The following ACSBG1 variants were observed in gnomAD, a reference collection of about 807,000 sequenced individuals.
ACSBG1 encodes acyl-CoA synthetase bubblegum family member 1, also known as long-chain-fatty-acid--CoA ligase ACSBG1.
ACSBG1 carries 39 observed loss-of-function variants against 80.2 expected under a neutral mutation model. The observed-to-expected ratio is 0.49, with a 90% CI of 0.38 to 0.64. The LOEUF is 0.64. Among genes scored for constraint, ACSBG1 ranks in the 30% least tolerant of loss-of-function variants. ACSBG1 has a pLI of 0.00. For synonymous variants in ACSBG1, 392 were observed against 379.5 expected (o/e 1.03, Z -0.38); for missense variants, 828 against 966.4 (o/e 0.86, Z 1.90).
intron 12 of ACSBG1, 38 bp from the exon 13 acceptor site, chr15:78,173,877 C>T (rs554178061): frequency 6.3e-7 from 1 of 1,599,190 alleles, no homozygotes; most frequent in Non-Finnish European, 8.5e-7. Flanking sequence ...CAAGCCTTAC[C>T]CAACAAGACG....
chr15:78,174,353 G>A, intron 12 of ACSBG1, 32 bp downstream of exon 12: 1 of 1,613,956 alleles, frequency 6.2e-7, no homozygotes. Flanking sequence ...CTCACTGGCT[G>A]CTCCTTCTGA....
chr15:78,226,984 C>G (rs1175675867), intron 1 of ACSBG1, among the ~76,000 whole-genome samples: 3 of 150,396 alleles, frequency 2.0e-5, no homozygotes, highest in African/African-American at 7.3e-5. Flanking sequence ...CTCTGGGAGG[C>G]CGAGGAGGGC....
At chr15:78,207,923 A>ACCCCCCCCCCCCCCCCCCCCCCCCC in intron 2 of ACSBG1, 79 bp downstream of exon 2, 1 of 284,792 alleles carries the variant, frequency 3.5e-6, no homozygotes, top group Non-Finnish European at 7.2e-6. Context: ...GTGGTCCCCC[A>ACCCCCCCCCCCCCCCCCCCCCCCCC]CACCACCCAC....
intron 2 of ACSBG1, among the ~76,000 whole-genome samples, chr15:78,204,633 G>A (rs2075197467): frequency 6.6e-6 from 1 of 152,210 alleles, no homozygotes; most frequent in South Asian, 2.1e-4. Context: ...CCATATCATG[G>A]AGAAGGAATC....
Position 78,194,664 on chromosome 15 carries a change from G to A in ACSBG1, c.295C>T (p.Pro99Ser). Residue 99 changes from proline (P) to serine (S), a missense_variant, in exon 3 of 14, where the codon CCA (proline) becomes TCA (serine). Pro to Ser is a moderately conservative substitution (Grantham distance 74). Coordinates refer to ENST00000258873, the MANE Select transcript of ACSBG1 (RefSeq NM_015162.5). Reference sequence around the variant, plus strand: ...CGATGCACAGTGTAGGGAAGCTGTGGGCAGCTGGGGTCTATGCGCAGGCGC... The same window carrying A: ...CGATGCACAGTGTAGGGAAGCTGTGAGCAGCTGGGGTCTATGCGCAGGCGC... Reference protein sequence around the residue: ...RVRLRIDPSCPQLPYTVHRMF... With the variant: ...RVRLRIDPSCSQLPYTVHRMF... 1 of 1,613,942 alleles carries A rather than the reference G, an allele frequency of 6.2e-7. No homozygotes were observed. The highest frequency in any genetic ancestry group is 1.1e-5 in the South Asian group (1 of 91,078).
chr15:78,180,766 G>A lies in ACSBG1; in HGVS notation c.1242C>T (p.Thr414=). Residue 414 remains threonine (T), a synonymous_variant, in exon 9 of 14, where the codon ACC becomes ACT. Transcript: ENST00000258873. ...AMSVTLEQNL[T]CPGSDLKPFT... The stretch of plus-strand genomic sequence containing the variant: ...TGGGCCCTCTGTACCTGCCGGGGCA[G>A]GTGAGGTTCTGCTCCAAGGTCACCG... 6.2e-7 allele frequency: 1 copy of A among 1,614,036 alleles called. No individual in the cohort carries two copies. Among genetic ancestry groups the A allele is most frequent in the Non-Finnish European group, 8.5e-7 (1 of 1,179,996 alleles).
At position 78,230,108 on chromosome 15, in the gene ACSBG1, T is replaced by A. The variant is rs190605827; in HGVS notation, c.131+4263A>T. Among the ~76,000 whole-genome samples, 188 of 152,290 alleles carry A rather than the reference T, an allele frequency of 1.2e-3. 1 individual carries two copies. The highest frequency in any genetic ancestry group is 4.3e-3 in the African/African-American group (180 of 41,556). Reference sequence around the variant, plus strand: ...CGGTGTCTCCACTGGACAGAGGGCTTCCCAGGGTCAGGACCCAGGCCCTGG... The same window carrying A: ...CGGTGTCTCCACTGGACAGAGGGCTACCCAGGGTCAGGACCCAGGCCCTGG... On this transcript the variant is annotated intron_variant, in intron 1 of 13. Coordinates refer to ENST00000258873, the MANE Select transcript of ACSBG1 (RefSeq NM_015162.5).
chr15:78,215,768 A>AAGAAAGAAAGAAAG (rs1567096402), intron 1 of ACSBG1, among the ~76,000 whole-genome samples: 1 of 150,060 alleles, frequency 6.7e-6, no homozygotes, highest in African/African-American at 2.5e-5. Flanking sequence ...GAAAGAAAGA[A>AAGAAAGAAAGAAAG]AGAAAGAAAG....
Position 78,178,905 on chromosome 15 carries a change from C to T in ACSBG1, c.1485-74G>A, listed in dbSNP as rs2074912107. 6.9e-7 allele frequency: 1 copy of T among 1,450,540 alleles called. No individual in the cohort carries two copies. Among genetic ancestry groups the T allele is most frequent in the South Asian group, 1.3e-5 (1 of 75,990 alleles). The allele number at this position is 1,450,540 out of a possible 1,614,324, so 89.9% of individuals were successfully genotyped here. A position where few individuals can be genotyped will look rare whatever the true frequency, so the allele number is the denominator to read the frequency against. Reference sequence around the variant, plus strand: ...AAGCCCCCACTGGGGAGCCGGGGTCCCAACTGCTCGGTCTTCACTGATTGC... The same window carrying T: ...AAGCCCCCACTGGGGAGCCGGGGTCTCAACTGCTCGGTCTTCACTGATTGC... On this transcript the variant is annotated intron_variant, in intron 10 of 13. Transcript: ENST00000258873. This position sits in a 1 kb window ranked among gnomAD's most constrained non-coding sequence, Gnocchi z 4.3.
intron 10 of ACSBG1, among the ~76,000 whole-genome samples, chr15:78,179,273 T>C (rs562171878): frequency 2.0e-4 from 31 of 152,166 alleles, no homozygotes; most frequent in Admixed American, 1.7e-3. Context: ...GGAAAACTGC[T>C]CCATAGGTTC....
intron 2 of ACSBG1, among the ~76,000 whole-genome samples, chr15:78,205,373 A>G (rs1024134713): frequency 7.2e-5 from 11 of 152,134 alleles, no homozygotes; most frequent in Admixed American, 6.5e-4. Context: ...GTGAACCCTG[A>G]TTCCTGTGTA....
At chr15:78,199,474 T>C (rs1278871848) in intron 2 of ACSBG1, among the ~76,000 whole-genome samples, 1 of 151,948 alleles carries the variant, frequency 6.6e-6, no homozygotes, top group Admixed American at 6.6e-5. Context: ...GCAGGATTGC[T>C]TGAGGCCAAA....
At position 78,234,555 on chromosome 15, in the gene ACSBG1, C is replaced by G; in HGVS notation, c.-54G>C. On this transcript the variant is annotated 5_prime_UTR_variant, in exon 1 of 14. Transcript: ENST00000258873. ...CAGTCACCCACTGAGAGAGGCTAGC[C>G]TTGAGTGAGCAGTGGGGGTGGGCAT... is the stretch of plus-strand genomic sequence containing the variant. 6.3e-6 allele frequency: 9 copies of G among 1,417,656 alleles called. No homozygotes were observed. The highest frequency in any genetic ancestry group is 2.8e-5 in the East Asian group (1 of 35,360). 87.8% of individuals were successfully genotyped at this position (1,417,656 alleles called of 1,614,324 possible). A position where few individuals can be genotyped will look rare whatever the true frequency, so the allele number is the denominator to read the frequency against.
chr15:78,183,566 A>G (rs2074970813), intron 5 of ACSBG1, among the ~76,000 whole-genome samples: 2 of 152,192 alleles, frequency 1.3e-5, no homozygotes, highest in South Asian at 4.1e-4. Flanking sequence ...CTCTGTCTCA[A>G]AACAAACAAA....
At chr15:78,193,122 G>A (rs1430285670) in intron 5 of ACSBG1, among the ~76,000 whole-genome samples, 1 of 151,576 alleles carries the variant, frequency 6.6e-6, no homozygotes, top group Non-Finnish European at 1.5e-5. Context: ...ACCTAGACTT[G>A]AGTGCTCAAG....
intron 1 of ACSBG1, 29 bp from the exon 2 acceptor site, chr15:78,208,131 A>C (rs748088644): frequency 1.3e-6 from 2 of 1,583,638 alleles, no homozygotes; most frequent in African/African-American, 1.3e-5. Flanking sequence ...CAGGAAAAAC[A>C]TTCATTAGAA....
At chr15:78,191,849 T>C (rs1485356409) in intron 5 of ACSBG1, among the ~76,000 whole-genome samples, 7 of 152,162 alleles carry the variant, frequency 4.6e-5, no homozygotes, top group East Asian at 1.9e-4. Flanking sequence ...AAAGCACTTA[T>C]ATGGTGCTGC....
intron 4 of ACSBG1, 65 bp from the exon 5 acceptor site, chr15:78,193,691 C>T (rs1176006523): frequency 2.6e-5 from 40 of 1,554,034 alleles, no homozygotes; most frequent in Non-Finnish European, 3.2e-5. Flanking sequence ...TTCCCCCACC[C>T]CCACATCTGT....
In ACSBG1 at chr15:78,172,284, T is replaced by C. The variant is rs558012233; in HGVS notation, c.2090-755A>G. On this transcript the variant is annotated intron_variant, in intron 13 of 13. Transcript: ENST00000258873. The surrounding 1 kb of genome is among the most constrained non-coding windows in gnomAD (Gnocchi z 4.1). ...CTGCTACATTTTTGGGGTCATTTGT[T>C]ACACAGCAATGTATTAGATAGCTAG... Among the ~76,000 whole-genome samples the C allele has an allele frequency of 1.2e-4, 18 of 152,366 alleles. No homozygotes were observed. The highest frequency in any genetic ancestry group is 4.3e-4 in the African/African-American group (18 of 41,588).
Sources: allele counts gnomAD v4.1 joint callset (sites outside exome capture counted in the v4.1 genomes callset), GRCh38; gene constraint gnomAD v4.1.1; non-coding constraint Gnocchi (gnomAD v3.1); transcripts MANE v1.5; gene names NCBI Gene and HGNC (gene_info 2026-07-23, HGNC 2026-07-21).